The following RGS6 variants were observed in gnomAD, a reference collection of about 807,000 sequenced individuals.
RGS6 encodes regulator of G protein signaling 6, also known as regulator of G-protein signaling 6.
Under a neutral mutation model 78.5 loss-of-function variants are expected in RGS6, and 30 were observed. The ratio of observed to expected loss-of-function variants is 0.38; its 90% CI spans 0.29 to 0.52. The LOEUF is 0.52. RGS6 is among the 20% of genes least tolerant of loss of function. The pLI is 0.85. For synonymous variants in RGS6, 206 were observed against 206.0 expected (o/e 1.00, Z 0.00); for missense variants, 495 against 609.7 (o/e 0.81, Z 1.98).
At chr14:71,950,833 G>T (rs574535555) in intron 1 of RGS6, among the ~76,000 whole-genome samples, 39 of 152,276 alleles carry the variant, frequency 2.6e-4, no homozygotes, top group African/African-American at 8.7e-4. Flanking sequence ...GATCATTAGA[G>T]AAATGCAAAT....
chr14:72,620,129 C>G, the RGS6 span: 1 of 702,706 alleles, frequency 1.4e-6, no homozygotes, highest in East Asian at 2.9e-5. Context: ...CTCACTGTCC[C>G]CTGAACACGC....
chr14:72,263,301 AC>A (rs2058487832), intron 2 of RGS6, among the ~76,000 whole-genome samples: 1 of 152,142 alleles, frequency 6.6e-6, no homozygotes, highest in Admixed American at 6.5e-5. Flanking sequence ...GGTCATCAGA[AC>A]CTTTTTGAAA....
chr14:71,883,093 C>T, the RGS6 span, among the ~76,000 whole-genome samples: 899 of 152,310 alleles, frequency 5.9e-3, 12 homozygotes, highest in African/African-American at 0.02. Flanking sequence ...CCTAAGTAAA[C>T]TCTGAAAAAG....
chr14:71,935,752 G>T (rs1278503129), intron 1 of RGS6, among the ~76,000 whole-genome samples: 1 of 151,906 alleles, frequency 6.6e-6, no homozygotes, highest in African/African-American at 2.4e-5. Context: ...TCCCTAAAGG[G>T]CAAAAGGTAC....
chr14:72,437,342 A>G (rs2094973011), intron 3 of RGS6, among the ~76,000 whole-genome samples: 1 of 20,692 alleles, frequency 4.8e-5, no homozygotes, highest in Non-Finnish European at 1.1e-4. Flanking sequence ...CTCCATCTCA[A>G]AAAAAAAAAA....
chr14:71,900,489 ATTC>A, the RGS6 span, among the ~76,000 whole-genome samples: 2 of 152,156 alleles, frequency 1.3e-5, no homozygotes, highest in Non-Finnish European at 2.9e-5. Context: ...ATTTAAAAAT[ATTC>A]TTCTGTAATT....
At position 71,942,069 on chromosome 14, in the gene RGS6, T is replaced by C. The variant is rs140726609; in HGVS notation, c.-21+9128T>C. Among the ~76,000 whole-genome samples the C allele has an allele frequency of 2.4e-4, 36 of 152,346 alleles. No individual in the cohort carries two copies. In the East Asian group the frequency reaches 6.4e-3, roughly 27 times the overall value. Reference sequence around the variant, plus strand: ...AGTTTTCTCTTATGGAGGAATATCTTTCTGGAGTAGTCAAGACAAAAGAAT... The same window carrying C: ...AGTTTTCTCTTATGGAGGAATATCTCTCTGGAGTAGTCAAGACAAAAGAAT... On this transcript the variant is annotated intron_variant, in intron 1 of 17. Coordinates refer to ENST00000553525, the MANE Select transcript of RGS6 (RefSeq NM_001204424.2).
rs1485154808 is a variant in RGS6, at chr14:72,478,232, G to A, written c.793-36G>A. ...GAGCGAGGGGAAAAAAATAATTTTAGTTTGGTCTTAACATCTGTGTTCTCT... is the reference window on the plus strand; with the variant it reads ...GAGCGAGGGGAAAAAAATAATTTTAATTTGGTCTTAACATCTGTGTTCTCT... On this transcript the variant is annotated intron_variant, in intron 11 of 17. Transcript: ENST00000553525. 6.5e-6 allele frequency: 10 copies of A among 1,528,644 alleles called. No homozygotes were observed. In the South Asian group the frequency reaches 1.0e-4, roughly 16 times the overall value. The allele number at this position is 1,528,644 out of a possible 1,614,324, so 94.7% of individuals were successfully genotyped here. A position where few individuals can be genotyped will look rare whatever the true frequency, so the allele number is the denominator to read the frequency against.
At chr14:72,217,345 A>G (rs1254414237) in intron 2 of RGS6, among the ~76,000 whole-genome samples, 1 of 152,224 alleles carries the variant, frequency 6.6e-6, no homozygotes, top group Non-Finnish European at 1.5e-5. Context: ...GCATTCCCAC[A>G]GGAAGACTGC....
intron 13 of RGS6, among the ~76,000 whole-genome samples, chr14:72,506,984 TA>T (rs71109738): frequency 0.038 from 2,038 of 53,266 alleles, 8 homozygotes; most frequent in Non-Finnish European, 0.065. Context: ...CTGTCTCTAC[TA>T]AAAAAAAAAA....
At chr14:72,291,654 C>A (rs1176457665) in intron 2 of RGS6, among the ~76,000 whole-genome samples, 1 of 152,076 alleles carries the variant, frequency 6.6e-6, no homozygotes, top group Non-Finnish European at 1.5e-5. Context: ...GAAAGATATA[C>A]CTAGAAAGAT....
rs796698263 is a variant in RGS6, at chr14:72,548,342, T to TGTGTGTGTGTGTGCGC, written c.1422+8249_1422+8250insTGTGTGTGTGTGCGCG. On this transcript the variant is annotated intron_variant, in intron 17 of 17. Transcript: ENST00000553525. Reference sequence around the variant, plus strand: ...CAGATCATATTTGTGTGTGTGTGTGTGCGCGCGTGTGTGTGTGTGTGTGTG... The same window carrying TGTGTGTGTGTGTGCGC: ...CAGATCATATTTGTGTGTGTGTGTGTGTGTGTGTGTGTGCGCGCGCGCGTGTGTGTGTGTGTGTGTG... 5.8e-3 allele frequency among the ~76,000 whole-genome samples: 785 copies of TGTGTGTGTGTGTGCGC among 134,786 alleles called. 6 individuals are homozygous for TGTGTGTGTGTGTGCGC. The highest frequency in any genetic ancestry group is 0.021 in the African/African-American group (663 of 31,606). 88.4% of individuals were successfully genotyped at this position (134,786 alleles called of 152,430 possible). A position where few individuals can be genotyped will look rare whatever the true frequency, so the allele number is the denominator to read the frequency against.
At chr14:71,996,524 A>C (rs2095212927) in intron 2 of RGS6, among the ~76,000 whole-genome samples, 1 of 151,958 alleles carries the variant, frequency 6.6e-6, no homozygotes, top group Non-Finnish European at 1.5e-5. Flanking sequence ...AAGGACCCTG[A>C]CTCAGCCTGA....
chr14:72,477,790 C>CT (rs1226443512), intron 11 of RGS6, among the ~76,000 whole-genome samples: 2 of 140,778 alleles, frequency 1.4e-5, no homozygotes, highest in African/African-American at 5.2e-5. Flanking sequence ...GAATGAGACT[C>CT]TGTCTCAAAA....
intron 2 of RGS6, among the ~76,000 whole-genome samples, chr14:72,351,101 G>A: frequency 6.6e-6 from 1 of 152,124 alleles, no homozygotes; most frequent in East Asian, 1.9e-4. Flanking sequence ...CTAGCCTTAT[G>A]ATGTGAGCCT....
At chr14:72,514,556 G>C (rs1214040581) in intron 14 of RGS6, among the ~76,000 whole-genome samples, 1 of 152,232 alleles carries the variant, frequency 6.6e-6, no homozygotes, top group African/African-American at 2.4e-5. Flanking sequence ...AGCCCAGGCT[G>C]CCTCGCTCCA....
At chr14:72,396,353 T>C (rs1224042288) in intron 3 of RGS6, among the ~76,000 whole-genome samples, 1 of 152,332 alleles carries the variant, frequency 6.6e-6, no homozygotes, top group East Asian at 1.9e-4. Flanking sequence ...GAAGTGTCTG[T>C]TCATATCCTT....
intron 2 of RGS6, among the ~76,000 whole-genome samples, chr14:72,250,406 A>AAAAAAC (rs1289201253): frequency 2.6e-5 from 4 of 151,288 alleles, no homozygotes; most frequent in Non-Finnish European, 5.9e-5. Context: ...ACCGAAAAAA[A>AAAAAAC]AAAAAAACCC....
chr14:72,520,388 A>AT (rs945195240), intron 15 of RGS6, among the ~76,000 whole-genome samples: 11 of 152,118 alleles, frequency 7.2e-5, no homozygotes, highest in Admixed American at 4.6e-4. Flanking sequence ...TTTAGGTTTG[A>AT]TTTTTATGGA....
Sources: allele counts gnomAD v4.1 joint callset (sites outside exome capture counted in the v4.1 genomes callset), GRCh38; gene constraint gnomAD v4.1.1; transcripts MANE v1.5; gene names NCBI Gene and HGNC (gene_info 2026-07-23, HGNC 2026-07-21).